Variants in KREMEN1 observed in about 807,000 individuals in gnomAD.
KREMEN1 encodes kremen protein 1.
KREMEN1 carries 30 observed loss-of-function variants against 46.5 expected under a neutral mutation model. The observed-to-expected ratio is 0.65, with a 90% CI of 0.48 to 0.88. The LOEUF is 0.88. Ranked by LOEUF, KREMEN1 falls within the 40% of genes least tolerant of loss-of-function variation. The pLI is 0.00. For missense variants in KREMEN1, 533 were observed against 596.9 expected (o/e 0.89, Z 1.11); for synonymous variants, 214 against 230.6 (o/e 0.93, Z 0.65).
chr22:29,075,279 G>A (rs938474463), intron 1 of KREMEN1, among the ~76,000 whole-genome samples: 1 of 152,166 alleles, frequency 6.6e-6, no homozygotes, highest in Non-Finnish European at 1.5e-5. Context: ...GAGAGGTATG[G>A]GTGGAAATAG....
At chr22:29,154,093 A>G (rs1378332345) in intron 9 of KREMEN1, among the ~76,000 whole-genome samples, 2 of 152,184 alleles carry the variant, frequency 1.3e-5, no homozygotes, top group Non-Finnish European at 2.9e-5. Context: ...TCCTCAATAC[A>G]TTTTAACAAT....
At position 29,146,655 on chromosome 22, in the gene KREMEN1, G is replaced by A. The variant is rs2038869580; in HGVS notation, c.*4543G>A. The A allele has an allele frequency of 1.0e-6, 1 of 955,282 alleles. No homozygotes were observed. The allele number at this position is 955,282 out of a possible 1,614,324, so 59.2% of individuals were successfully genotyped here. On this transcript the variant is annotated 3_prime_UTR_variant, in exon 9 of 9. Coordinates refer to ENST00000400335, the MANE Select transcript of KREMEN1 (RefSeq NM_001039570.3). Reference sequence around the variant, plus strand: ...TTTGAGAATAAAATAGAAACATCATGTATTTTAAAATATAAGATGAAGTGT... The same window carrying A: ...TTTGAGAATAAAATAGAAACATCATATATTTTAAAATATAAGATGAAGTGT...
intron 8 of KREMEN1, 98 bp downstream of exon 8, chr22:29,140,464 C>A: frequency 1.1e-6 from 1 of 895,036 alleles, no homozygotes; most frequent in Non-Finnish European, 1.8e-6. Context: ...GTAGAATAAG[C>A]ACATGATTCC....
intron 9 of KREMEN1, among the ~76,000 whole-genome samples, chr22:29,162,185 A>T (rs2039017647): frequency 6.6e-6 from 1 of 152,196 alleles, no homozygotes; most frequent in Non-Finnish European, 1.5e-5. Context: ...GATTGGTTCA[A>T]CATGCATGAA....
intron 5 of KREMEN1, among the ~76,000 whole-genome samples, chr22:29,131,756 GTATA>G (rs201782625): frequency 1.5e-5 from 2 of 131,292 alleles, no homozygotes; most frequent in African/African-American, 3.1e-5. Context: ...ATGTATATAT[GTATA>G]TATATATGTA....
chr22:29,137,738 A>T lies in KREMEN1; in HGVS notation c.964+64A>T. 6 of 1,316,808 alleles carry T rather than the reference A, an allele frequency of 4.6e-6. 1 individual carries two copies. Among genetic ancestry groups the T allele is most frequent in the Non-Finnish European group, 6.2e-6 (6 of 966,268 alleles). The allele number at this position is 1,316,808 out of a possible 1,614,324, so 81.6% of individuals were successfully genotyped here. A position where few individuals can be genotyped will look rare whatever the true frequency, so the allele number is the denominator to read the frequency against. On this transcript the variant is annotated intron_variant, in intron 6 of 8. Transcript: ENST00000400335. ...CACGTGCCTTGGGCTTCTCTTCTTC[A>T]CCCTTGTGACTTGGGCAGTTCTTGC...
chr22:29,137,358 C>T lies in KREMEN1; in HGVS notation c.648C>T (p.Cys216=), dbSNP rs774948642. The T allele has an allele frequency of 1.4e-5, 21 of 1,483,626 alleles. No individual in the cohort carries two copies. Among genetic ancestry groups the T allele is most frequent in the Non-Finnish European group, 1.6e-5 (18 of 1,111,138 alleles). The allele number at this position is 1,483,626 out of a possible 1,614,324, so 91.9% of individuals were successfully genotyped here. A position where few individuals can be genotyped will look rare whatever the true frequency, so the allele number is the denominator to read the frequency against. The part of the protein sequence containing the change: ...IILFDTLVGA[C]GGNYSAMSSV... ...CTCCTACAGCTCTCGTGGGCGCCTG[C>T]GGTGGGAACTACTCAGCCATGTCTT... Residue 216 remains cysteine (C), a synonymous_variant, in exon 6 of 9, where the codon TGC becomes TGT. Coordinates refer to ENST00000400335, the MANE Select transcript of KREMEN1 (RefSeq NM_001039570.3).
At chr22:29,106,471 C>T (rs1004869235) in intron 3 of KREMEN1, among the ~76,000 whole-genome samples, 8 of 152,018 alleles carry the variant, frequency 5.3e-5, no homozygotes, top group Middle Eastern at 3.4e-3. Flanking sequence ...CCTCGTGATC[C>T]GCCCGCCTCG....
At chr22:29,125,057 C>A (rs5997442) in intron 4 of KREMEN1, 24 of 567,576 alleles carry the variant, frequency 4.2e-5, no homozygotes, top group Middle Eastern at 4.8e-4. Context: ...TGATGCTCGC[C>A]GACAGGGAAA....
rs2038799647 is a variant in KREMEN1, at chr22:29,143,314, T to C, written c.*1202T>C. On this transcript the variant is annotated 3_prime_UTR_variant, in exon 9 of 9. Transcript: ENST00000400335. ...ATGGAACCTGAGCCAGGCCTCAGTC[T>C]CTCCATGATTGGCTCAGCTAACTCT... The C allele has an allele frequency of 2.0e-6, 2 of 985,314 alleles. No individual in the cohort carries two copies. The highest frequency in any genetic ancestry group is 1.7e-5 in the African/African-American group (1 of 57,224). The allele number at this position is 985,314 out of a possible 1,614,324, so 61.0% of individuals were successfully genotyped here.
At chr22:29,155,277 G>A (rs775614094) in intron 9 of KREMEN1, among the ~76,000 whole-genome samples, 12 of 152,208 alleles carry the variant, frequency 7.9e-5, no homozygotes, top group African/African-American at 1.2e-4. Context: ...GCTTACGCCT[G>A]TAATCCCAGC....
chr22:29,094,673 G>T (rs71327334), intron 2 of KREMEN1, among the ~76,000 whole-genome samples: 1 of 147,910 alleles, frequency 6.8e-6, no homozygotes, highest in African/African-American at 2.5e-5. Context: ...GCCCAGGCTG[G>T]AGTGCAGTGG....
intron 5 of KREMEN1, among the ~76,000 whole-genome samples, chr22:29,131,217 A>G (rs1208605565): frequency 6.6e-6 from 1 of 152,092 alleles, no homozygotes; most frequent in African/African-American, 2.4e-5. Context: ...GAATAAACTG[A>G]GATATACAGA....
intron 9 of KREMEN1, among the ~76,000 whole-genome samples, chr22:29,153,065 A>T (rs1234874369): frequency 6.6e-6 from 1 of 152,200 alleles, no homozygotes; most frequent in African/African-American, 2.4e-5. Flanking sequence ...TTTTTAGACC[A>T]TATAGGGTAA....
chr22:29,150,221 TG>T (rs132284), downstream of KREMEN1, among the ~76,000 whole-genome samples: 96,164 of 150,386 alleles, frequency 0.64, 31,976 homozygotes, highest in East Asian at 0.81. Context: ...CAGCAACTGG[TG>T]GGGGGGGGGG....
In KREMEN1 at chr22:29,166,225, CTT is replaced by C. The variant is rs60849888; in HGVS notation, c.1417-805_1417-804del. 2.0e-3 allele frequency among the ~76,000 whole-genome samples: 283 copies of C among 144,502 alleles called. 1 individual carries two copies. Among genetic ancestry groups the C allele is most frequent in the African/African-American group, 6.6e-3 (261 of 39,678 alleles). The allele number at this position is 144,502 out of a possible 152,430, so 94.8% of individuals were successfully genotyped here. ...TCTGCTTCTGAGTGACCAGATGGCT[CTT>C]TTTTTTTTTTTTTCCACAAATACTT... is the stretch of plus-strand genomic sequence containing the variant. On this transcript the variant is annotated intron_variant, in intron 9 of 9. Transcript: ENST00000327813.
At chr22:29,136,456 C>T (rs748432209) in intron 5 of KREMEN1, among the ~76,000 whole-genome samples, 2 of 151,850 alleles carry the variant, frequency 1.3e-5, no homozygotes, top group Admixed American at 6.6e-5. Context: ...CACCTGTAGT[C>T]CCAGCTACTC....
chr22:29,086,029 T>TTG (rs1479419564), intron 1 of KREMEN1, among the ~76,000 whole-genome samples: 9 of 150,204 alleles, frequency 6.0e-5, no homozygotes, highest in African/African-American at 2.0e-4. Flanking sequence ...AGGTGAGGTT[T>TTG]TTTTTTTTTT....
chr22:29,102,148 C>A (rs2037987124), intron 3 of KREMEN1, among the ~76,000 whole-genome samples: 1 of 152,268 alleles, frequency 6.6e-6, no homozygotes, highest in South Asian at 2.1e-4. Context: ...TCTCACCTCT[C>A]AGGTCAGGAG....
Sources: allele counts gnomAD v4.1 joint callset (sites outside exome capture counted in the v4.1 genomes callset), GRCh38; gene constraint gnomAD v4.1.1; transcripts MANE v1.5; gene names NCBI Gene and HGNC (gene_info 2026-07-23, HGNC 2026-07-21).